The following SGCZ variants were observed in gnomAD, a reference collection of about 807,000 sequenced individuals.
The protein encoded by SGCZ is sarcoglycan zeta.
In SGCZ, 40 loss-of-function variants were observed where a neutral mutation model predicts 41.3. The ratio of observed to expected loss-of-function variants is 0.97; its 90% CI spans 0.75 to 1.26. SGCZ has a LOEUF of 1.26. SGCZ is among the 50% of genes most tolerant of loss of function. SGCZ has a pLI of 0.00. For missense variants in SGCZ, 552 were observed against 369.8 expected, an observed-to-expected ratio of 1.49 and a Z score of -4.04; for synonymous variants, 206 against 137.5, an observed-to-expected ratio of 1.50 and a Z score of -3.49.
chr8:15,155,632 C>A lies in SGCZ; in HGVS notation c.39+81953G>T, dbSNP rs184362197. ...GCTGTATTCATATTAATATAATTCT[C>A]TGCAGACATAAAAATGACATGAAGA... On this transcript the variant is annotated intron_variant, in intron 1 of 7. Coordinates refer to ENST00000382080, the MANE Select transcript of SGCZ (RefSeq NM_139167.4). 1.3e-3 allele frequency among the ~76,000 whole-genome samples: 197 copies of A among 152,248 alleles called. 1 individual carries two copies. Among genetic ancestry groups the A allele is most frequent in the African/African-American group, 4.7e-3 (194 of 41,546 alleles).
At chr8:14,593,764 C>A (rs575817274) in intron 1 of SGCZ, among the ~76,000 whole-genome samples, 1 of 152,136 alleles carries the variant, frequency 6.6e-6, no homozygotes, top group Non-Finnish European at 1.5e-5. Flanking sequence ...TGAATTTTAT[C>A]CCTAGACTGC....
intron 4 of SGCZ, among the ~76,000 whole-genome samples, chr8:14,174,879 C>T (rs1341376254): frequency 6.6e-6 from 1 of 152,046 alleles, no homozygotes; most frequent in Non-Finnish European, 1.5e-5. Context: ...TTCTGGACTT[C>T]TTTTCTTCCA....
chr8:14,878,525 A>C (rs915759575), intron 1 of SGCZ, among the ~76,000 whole-genome samples: 1 of 152,152 alleles, frequency 6.6e-6, no homozygotes, highest in Non-Finnish European at 1.5e-5. Flanking sequence ...ATTGGCTACA[A>C]ATGAGATGAG....
chr8:14,559,068 A>G (rs1425292514), intron 1 of SGCZ, among the ~76,000 whole-genome samples: 1 of 152,120 alleles, frequency 6.6e-6, no homozygotes, highest in East Asian at 1.9e-4. Flanking sequence ...GAGAACTGGA[A>G]CAAGATAAGG....
chr8:15,054,238 T>C (rs1212722526), intron 1 of SGCZ, among the ~76,000 whole-genome samples: 1 of 152,348 alleles, frequency 6.6e-6, no homozygotes, highest in South Asian at 2.1e-4. Flanking sequence ...TGAAAATATT[T>C]TTAAAATAGT....
intron 6 of SGCZ, among the ~76,000 whole-genome samples, chr8:14,106,919 TATTGA>T (rs1321808980): frequency 6.6e-6 from 1 of 152,108 alleles, no homozygotes; most frequent in African/African-American, 2.4e-5. Context: ...AAATCTTACG[TATTGA>T]ATTAAGAACA....
chr8:14,571,125 T>C (rs1480774157), intron 1 of SGCZ, among the ~76,000 whole-genome samples: 1 of 152,068 alleles, frequency 6.6e-6, no homozygotes, highest in South Asian at 2.1e-4. Context: ...CTTACAATCT[T>C]GGTGGAAGGT....
chr8:14,403,872 A>G, intron 2 of SGCZ, among the ~76,000 whole-genome samples: 1 of 152,294 alleles, frequency 6.6e-6, no homozygotes, highest in Non-Finnish European at 1.5e-5. Flanking sequence ...TTTATTTCTC[A>G]GAGCTTTAAA....
At chr8:14,599,323 G>A (rs181030595) in intron 1 of SGCZ, among the ~76,000 whole-genome samples, 104 of 151,982 alleles carry the variant, frequency 6.8e-4, no homozygotes, top group Middle Eastern at 3.4e-3. Flanking sequence ...AAAGTCCTTC[G>A]TCCTACCCTT....
intron 1 of SGCZ, among the ~76,000 whole-genome samples, chr8:14,615,376 T>C (rs1806066613): frequency 6.6e-6 from 1 of 152,218 alleles, no homozygotes; most frequent in Non-Finnish European, 1.5e-5. Flanking sequence ...TCTTCTGTGC[T>C]CCTGTATCTG....
At chr8:15,093,619 T>C (rs995529390) in intron 1 of SGCZ, among the ~76,000 whole-genome samples, 9 of 152,218 alleles carry the variant, frequency 5.9e-5, no homozygotes, top group African/African-American at 2.2e-4. Context: ...TTGGCTTAAA[T>C]GGTAGGCATA....
chr8:14,797,850 C>T (rs1220737396), intron 1 of SGCZ, among the ~76,000 whole-genome samples: 5 of 152,220 alleles, frequency 3.3e-5, no homozygotes, highest in African/African-American at 1.2e-4. Context: ...CAAGGTAAAG[C>T]TCAGCCAATG....
At chr8:15,115,681 A>G (rs1489468499) in intron 1 of SGCZ, among the ~76,000 whole-genome samples, 2 of 152,314 alleles carry the variant, frequency 1.3e-5, no homozygotes, top group South Asian at 4.1e-4. Flanking sequence ...AATTCTTAAT[A>G]TGTTCTGGAT....
chr8:15,006,774 G>T (rs1245071577), intron 1 of SGCZ, among the ~76,000 whole-genome samples: 1 of 152,068 alleles, frequency 6.6e-6, no homozygotes, highest in African/African-American at 2.4e-5. Context: ...TAGATGAGTT[G>T]TAAAAGCCTG....
At chr8:14,325,821 A>T (rs1376320032) in intron 2 of SGCZ, among the ~76,000 whole-genome samples, 2 of 142,320 alleles carry the variant, frequency 1.4e-5, no homozygotes, top group Admixed American at 7.4e-5. Flanking sequence ...GAAAGGGATG[A>T]GGACGTGGGC....
At chr8:14,796,902 C>G (rs539045851) in intron 1 of SGCZ, among the ~76,000 whole-genome samples, 1 of 152,316 alleles carries the variant, frequency 6.6e-6, no homozygotes, top group East Asian at 1.9e-4. Context: ...CCCCTTCACT[C>G]AGCTATCAGT....
chr8:14,612,659 TTG>T (rs548689761), intron 1 of SGCZ, among the ~76,000 whole-genome samples: 3 of 151,558 alleles, frequency 2.0e-5, no homozygotes, highest in Non-Finnish European at 4.4e-5. Context: ...CAGGAAGGAG[TTG>T]TGTTTTTTTG....
At chr8:15,218,658 CA>C (rs1344743375) in intron 1 of SGCZ, among the ~76,000 whole-genome samples, 22 of 152,154 alleles carry the variant, frequency 1.4e-4, no homozygotes, top group African/African-American at 4.8e-4. Context: ...CACATGAGTA[CA>C]CTCGTTTTTT....
At chr8:15,096,968 A>T (rs1806371427) in intron 1 of SGCZ, among the ~76,000 whole-genome samples, 1 of 152,086 alleles carries the variant, frequency 6.6e-6, no homozygotes, top group Non-Finnish European at 1.5e-5. Flanking sequence ...TACAGGTGTG[A>T]GCCACCGCAC....
Sources: gnomAD v4.1 joint callset for allele counts (sites outside exome capture counted in the v4.1 genomes callset) on GRCh38, gnomAD v4.1.1 for gene constraint, MANE v1.5 for transcripts, NCBI Gene and HGNC (gene_info 2026-07-23, HGNC 2026-07-21) for gene names.